The following DOCK3 variants were observed in gnomAD, a reference collection of about 807,000 sequenced individuals.
The protein encoded by DOCK3 is dedicator of cytokinesis protein 3.
In DOCK3, 60 loss-of-function variants were observed where a neutral mutation model predicts 265.6. The observed-to-expected ratio is 0.23, with a 90% CI of 0.18 to 0.28. DOCK3 has a LOEUF of 0.28. Ranked by LOEUF, DOCK3 falls within the 10% of genes least tolerant of loss-of-function variation. DOCK3 has a pLI of 1.00. For missense variants in DOCK3, 1,981 were observed against 2,594.3 expected, an observed-to-expected ratio of 0.76 and a Z score of 5.14; for synonymous variants, 881 against 938.0, an observed-to-expected ratio of 0.94 and a Z score of 1.11.
intron 5 of DOCK3, among the ~76,000 whole-genome samples, chr3:51,027,207 C>T (rs1426662308): frequency 1.3e-5 from 2 of 151,988 alleles, no homozygotes; most frequent in Non-Finnish European, 2.9e-5. Flanking sequence ...GTTTTTTACG[C>T]AAAAGTTGTC....
At chr3:50,948,999 G>A (rs2076520059) in intron 5 of DOCK3, among the ~76,000 whole-genome samples, 1 of 152,148 alleles carries the variant, frequency 6.6e-6, no homozygotes, top group Non-Finnish European at 1.5e-5. Flanking sequence ...TGAGGAAAAG[G>A]AAGTCTTTTT....
chr3:50,841,619 T>A, intron 2 of DOCK3, 56 bp from the exon 3 acceptor site: 2 of 757,450 alleles, frequency 2.6e-6, no homozygotes, highest in Non-Finnish European at 4.0e-6. Flanking sequence ...AATACTATTG[T>A]GTCTCTTATT....
intron 4 of DOCK3, among the ~76,000 whole-genome samples, chr3:50,916,656 A>G (rs1446904361): frequency 6.6e-6 from 1 of 151,934 alleles, no homozygotes; most frequent in Non-Finnish European, 1.5e-5. Context: ...AAAGTAGAAA[A>G]AAATTAGCTG....
At chr3:51,049,318 C>T (rs894289153) in intron 5 of DOCK3, among the ~76,000 whole-genome samples, 1 of 113,796 alleles carries the variant, frequency 8.8e-6, no homozygotes, top group African/African-American at 3.6e-5. Context: ...AGAGTGAGAC[C>T]GTGTCTCAGA....
At chr3:50,918,976 T>C (rs2050283169) in intron 4 of DOCK3, among the ~76,000 whole-genome samples, 1 of 152,240 alleles carries the variant, frequency 6.6e-6, no homozygotes, top group African/African-American at 2.4e-5. Context: ...GCTTTCTATG[T>C]ATAGCTAGCC....
chr3:50,862,691 G>T (rs1306034552), intron 3 of DOCK3, among the ~76,000 whole-genome samples: 1 of 152,104 alleles, frequency 6.6e-6, no homozygotes, highest in Admixed American at 6.6e-5. Flanking sequence ...CCCTTCTCAT[G>T]GCTACCACCA....
rs1466722293 is a variant in DOCK3 at position 51,305,704 on chromosome 3, G to C, written c.2923-4528G>C. ...TTAGTATGCCATTTTAATTCCCTCA[G>C]TGTGTGTGTGTCTGTGTGTGTGTGT... On this transcript the variant is annotated intron_variant, in intron 27 of 52. Transcript: ENST00000266037. Among the ~76,000 whole-genome samples, 4 of 126,612 alleles carry C rather than the reference G, an allele frequency of 3.2e-5. No homozygotes were observed. The South Asian group carries it at 1.1e-3, about 34-fold the overall frequency. 83.1% of individuals were successfully genotyped at this position (126,612 alleles called of 152,430 possible). A position where few individuals can be genotyped will look rare whatever the true frequency, so the allele number is the denominator to read the frequency against.
In DOCK3 at chr3:50,904,965, C is replaced by T. The variant is rs190094607; in HGVS notation, c.218+14884C>T. On this transcript the variant is annotated intron_variant, in intron 4 of 52. Coordinates refer to ENST00000266037, the MANE Select transcript of DOCK3 (RefSeq NM_004947.5). ...AAGGTGTAAGAAAGGGATCCAGTTT[C>T]AGCTTTCTACATATGGCTAGCCAGT... Among the ~76,000 whole-genome samples the T allele has an allele frequency of 1.4e-3, 212 of 152,232 alleles. 3 individuals carry two copies. Among genetic ancestry groups the T allele is most frequent in the Admixed American group, 0.014 (211 of 15,294 alleles).
Position 50,696,993 on chromosome 3 carries a change from C to T in DOCK3, c.37+21693C>T, listed in dbSNP as rs375915231. ...TTGCTCAGGCTGGCATGCAGTGGCG[C>T]TATGTAGGCTCACTGTAACCTCCAC... On this transcript the variant is annotated intron_variant, in intron 1 of 52. Coordinates refer to ENST00000266037, the MANE Select transcript of DOCK3 (RefSeq NM_004947.5). Among the ~76,000 whole-genome samples the T allele has an allele frequency of 7.3e-5, 11 of 150,824 alleles. No individual in the cohort carries two copies. The East Asian group carries it at 2.2e-3, about 30-fold the overall frequency.
intron 12 of DOCK3, among the ~76,000 whole-genome samples, chr3:51,175,351 C>A (rs564119177): frequency 1.3e-5 from 2 of 152,256 alleles, no homozygotes; most frequent in East Asian, 3.9e-4. Context: ...GAATGCAAGA[C>A]CACTCAGACT....
chr3:50,835,296 T>G (rs1166044367), intron 2 of DOCK3, among the ~76,000 whole-genome samples: 1 of 152,212 alleles, frequency 6.6e-6, no homozygotes, highest in African/African-American at 2.4e-5. Flanking sequence ...GCAAAACTGT[T>G]TTTATTTCCC....
intron 1 of DOCK3, among the ~76,000 whole-genome samples, chr3:50,768,266 G>A (rs2041037667): frequency 6.6e-6 from 1 of 152,016 alleles, no homozygotes; most frequent in Non-Finnish European, 1.5e-5. Flanking sequence ...GTCATAAATA[G>A]CTCTTATTAT....
At chr3:51,231,121 C>CTTTTTTTTTTTTTTTT (rs754271357) in intron 19 of DOCK3, among the ~76,000 whole-genome samples, 3 of 77,750 alleles carry the variant, frequency 3.9e-5, no homozygotes, top group East Asian at 4.5e-4. Context: ...TATTTTTTGA[C>CTTTTTTTTTTTTTTTT]TTTTTTTTTT....
intron 2 of DOCK3, among the ~76,000 whole-genome samples, chr3:50,839,602 G>A (rs1241151838): frequency 6.6e-6 from 1 of 151,754 alleles, no homozygotes; most frequent in Non-Finnish European, 1.5e-5. Flanking sequence ...ATGATGTTGA[G>A]CAGCTTCTCA....
At chr3:51,161,302 G>A (rs1460374724) in intron 12 of DOCK3, among the ~76,000 whole-genome samples, 1 of 151,556 alleles carries the variant, frequency 6.6e-6, no homozygotes, top group Non-Finnish European at 1.5e-5. Flanking sequence ...AAATTAGCTG[G>A]GTGTGGTGGC....
intron 1 of DOCK3, among the ~76,000 whole-genome samples, chr3:50,699,461 T>C (rs2035885509): frequency 6.6e-6 from 1 of 151,726 alleles, no homozygotes; most frequent in Admixed American, 6.6e-5. Context: ...GCATTTTTTT[T>C]TTTTTTTTTG....
At chr3:51,324,783 C>A (rs995145245) in intron 32 of DOCK3, among the ~76,000 whole-genome samples, 1 of 152,176 alleles carries the variant, frequency 6.6e-6, no homozygotes. Context: ...ACCATCTGAT[C>A]TTTGACAAAC....
At chr3:51,248,140 ACTTTC>A in intron 22 of DOCK3, among the ~76,000 whole-genome samples, 1 of 152,330 alleles carries the variant, frequency 6.6e-6, no homozygotes, top group African/African-American at 2.4e-5. Flanking sequence ...GCTTCATAGT[ACTTTC>A]ATTCAAGTGG....
At chr3:51,017,519 C>T (rs1206312111) in intron 5 of DOCK3, among the ~76,000 whole-genome samples, 1 of 151,662 alleles carries the variant, frequency 6.6e-6, no homozygotes, top group Non-Finnish European at 1.5e-5. Context: ...CCTCTTAGTA[C>T]TGCTTTTGCT....
Sources: gnomAD v4.1 joint callset for allele counts (sites outside exome capture counted in the v4.1 genomes callset) on GRCh38, gnomAD v4.1.1 for gene constraint, MANE v1.5 for transcripts, NCBI Gene and HGNC (gene_info 2026-07-23, HGNC 2026-07-21) for gene names.